Variants in PIK3C2B observed in about 807,000 individuals in gnomAD.
PIK3C2B encodes phosphatidylinositol-4-phosphate 3-kinase catalytic subunit type 2 beta, also known as phosphatidylinositol 4-phosphate 3-kinase C2 domain-containing subunit beta.
Under a neutral mutation model 184.3 loss-of-function variants are expected in PIK3C2B, and 83 were observed. That is an observed-to-expected ratio of 0.45 (90% CI 0.38 to 0.54). PIK3C2B has a LOEUF of 0.54. PIK3C2B is among the 20% of genes least tolerant of loss of function. PIK3C2B has a pLI of 0.00. For synonymous variants in PIK3C2B, 779 were observed against 837.6 expected (o/e 0.93, Z 1.21); for missense variants, 1,736 against 2,113.5 (o/e 0.82, Z 3.50).
At position 204,433,335 on chromosome 1, in the gene PIK3C2B, C is replaced by T; in HGVS notation, c.3934G>A (p.Ala1312Thr). 1 of 1,591,564 alleles carries T rather than the reference C, an allele frequency of 6.3e-7. No homozygotes were observed. Among genetic ancestry groups the T allele is most frequent in the Non-Finnish European group, 8.6e-7 (1 of 1,159,470 alleles). Residue 1312 changes from alanine to threonine, a missense_variant, in exon 26 of 33, where the codon GCC becomes ACC. By Grantham distance (58) the Ala-to-Thr change is moderately conservative. This residue lies in a region of PIK3C2B where 119 missense variants were observed against 179.3 expected (regional missense o/e 0.66). Coordinates refer to ENST00000684373, the MANE Select transcript of PIK3C2B (RefSeq NM_001377334.1). The surrounding 1 kb of genome is among the most constrained non-coding windows in gnomAD (Gnocchi z 5.0). Reference sequence around the variant, plus strand: ...TTTTACCTAGTGAAGTAGGTAGTGGCATTGGCCTCTGTATCCTGAGGCCTC... The same window carrying T: ...TTTTACCTAGTGAAGTAGGTAGTGGTATTGGCCTCTGTATCCTGAGGCCTC... Reference protein sequence around the residue: ...ALRPQDTEANATTYFTRLIES... With the variant: ...ALRPQDTEANTTTYFTRLIES...
intron 14 of PIK3C2B, among the ~76,000 whole-genome samples, chr1:204,448,230 C>T (rs1031982108): frequency 2.0e-5 from 3 of 152,048 alleles, no homozygotes; most frequent in African/African-American, 7.2e-5. Flanking sequence ...TCTCATGCCT[C>T]AGCTTCCTGA....
chr1:204,463,195 C>G (rs1434212277), intron 5 of PIK3C2B, among the ~76,000 whole-genome samples: 2 of 152,216 alleles, frequency 1.3e-5, no homozygotes, highest in East Asian at 3.9e-4. Flanking sequence ...ACTTATAGGG[C>G]ACTCCTAAGA....
Position 204,433,645 on chromosome 1 carries a change from G to T in PIK3C2B, c.3843+148C>A. ...ACATCATTGTCCTCAGGTAGTCTGG[G>T]TCCCTGCCTTTATCTAGGGCAGGCA... On this transcript the variant is annotated intron_variant, in intron 25 of 32. Transcript: ENST00000684373. This position sits in a 1 kb window ranked among gnomAD's most constrained non-coding sequence, Gnocchi z 5.0. 1.2e-6 allele frequency: 1 copy of T among 822,456 alleles called. No homozygotes were observed. The highest frequency in any genetic ancestry group is 2.0e-6 in the Non-Finnish European group (1 of 498,996). The allele number at this position is 822,456 out of a possible 1,614,324, so 50.9% of individuals were successfully genotyped here. A position where few individuals can be genotyped will look rare whatever the true frequency, so the allele number is the denominator to read the frequency against.
intron 1 of PIK3C2B, among the ~76,000 whole-genome samples, chr1:204,476,425 A>G (rs919779646): frequency 2.6e-5 from 4 of 152,172 alleles, no homozygotes; most frequent in South Asian, 4.1e-4. Flanking sequence ...ATGGACCTAT[A>G]GTCCCAGCTA....
intron 28 of PIK3C2B, among the ~76,000 whole-genome samples, chr1:204,430,823 T>G (rs2103468032): frequency 6.6e-6 from 1 of 151,994 alleles, no homozygotes; most frequent in Non-Finnish European, 1.5e-5. Flanking sequence ...CACACTAATT[T>G]TTGTATTTTT....
At chr1:204,448,921 C>A (rs921477216) in intron 14 of PIK3C2B, among the ~76,000 whole-genome samples, 1 of 152,156 alleles carries the variant, frequency 6.6e-6, no homozygotes, top group Non-Finnish European at 1.5e-5. Context: ...AGAAGCTGAG[C>A]CCTGAATGCA....
At chr1:204,474,755 T>C (rs558121450) in intron 1 of PIK3C2B, among the ~76,000 whole-genome samples, 1 of 152,156 alleles carries the variant, frequency 6.6e-6, no homozygotes, top group East Asian at 1.9e-4. Flanking sequence ...ATTCCAAATA[T>C]GTATCTCTCC....
At position 204,440,271 on chromosome 1, in the gene PIK3C2B, G is replaced by C. The variant is rs756769325; in HGVS notation, c.3300C>G (p.Ile1100Met). 17 of 1,610,016 alleles carry C rather than the reference G, an allele frequency of 1.1e-5. No individual in the cohort carries two copies. The highest frequency in any genetic ancestry group is 2.7e-5 in the African/African-American group (2 of 74,552). Residue 1100 changes from isoleucine to methionine, a missense_variant, in exon 22 of 33, where the codon ATC becomes ATG. This residue lies in a region of PIK3C2B where 289 missense variants were observed against 380.4 expected (regional missense o/e 0.76). Transcript: ENST00000684373. Reference sequence around the variant, plus strand: ...CCTCCTGGACCCAGATCTTGCTCATGATGCGAATCATCTGCAGCGTTAGCA... The same window carrying C: ...CCTCCTGGACCCAGATCTTGCTCATCATGCGAATCATCTGCAGCGTTAGCA... ...QDMLTLQMIR[I>M]MSKIWVQEGL...
intron 23 of PIK3C2B, chr1:204,435,908 T>C (rs1374124713): frequency 6.6e-6 from 1 of 152,172 alleles, no homozygotes; most frequent in Non-Finnish European, 1.5e-5. Context: ...ATAAAAGCAC[T>C]TAATAAGGAG....
Position 204,447,631 on chromosome 1 carries a change from C to G in PIK3C2B, c.2347-53G>C. On this transcript the variant is annotated intron_variant, in intron 14 of 32. Transcript: ENST00000684373. This position sits in a 1 kb window ranked among gnomAD's most constrained non-coding sequence, Gnocchi z 4.1. ...AGAGAAAACAGGCAGCGTGTGTGGACTCCCAGCTTCTTTCTCTCACCCCAG... is the reference window on the plus strand; with the variant it reads ...AGAGAAAACAGGCAGCGTGTGTGGAGTCCCAGCTTCTTTCTCTCACCCCAG... The G allele has an allele frequency of 1.5e-6, 2 of 1,330,160 alleles. No homozygotes were observed. Among genetic ancestry groups the G allele is most frequent in the Non-Finnish European group, 2.1e-6 (2 of 941,098 alleles). 82.4% of individuals were successfully genotyped at this position (1,330,160 alleles called of 1,614,324 possible).
chr1:204,444,033 G>A (rs768287945), intron 18 of PIK3C2B, 35 bp downstream of exon 18: 8 of 1,388,404 alleles, frequency 5.8e-6, no homozygotes, highest in Middle Eastern at 1.8e-4. Flanking sequence ...TGAAAGACAC[G>A]TGTCTACCTC....
chr1:204,428,921 A>G (rs773384214), intron 29 of PIK3C2B: 9 of 455,686 alleles, frequency 2.0e-5, no homozygotes, highest in South Asian at 1.2e-4. Context: ...TTAACCCTAA[A>G]AAGTTTAAAA....
rs759336825 is a variant in PIK3C2B at position 204,439,001 on chromosome 1, C to T, written c.3450G>A (p.Ser1150=). Residue 1150 remains serine, a synonymous_variant, in exon 23 of 33, where the codon TCG becomes TCA. Transcript: ENST00000684373. The part of the protein sequence containing the change: ...KIQVEHGVTG[S]FKDRPLADWL... The stretch of plus-strand genomic sequence containing the variant: ...AGTCTGCCAGGGGCCGGTCCTTGAA[C>T]GAGCCGGTCACCCCATGCTCCACCT... 17 of 1,613,996 alleles carry T rather than the reference C, an allele frequency of 1.1e-5. No individual in the cohort carries two copies. The African/African-American group carries it at 1.3e-4, about 13-fold the overall frequency.
chr1:204,434,426 G>C lies in PIK3C2B; in HGVS notation c.3686+13C>G. ...GCCCTTCACTCACAATCTGGCTTCAGGAGATCACTTACCGCTTGATGTTGC... is the reference window on the plus strand; with the variant it reads ...GCCCTTCACTCACAATCTGGCTTCACGAGATCACTTACCGCTTGATGTTGC... On this transcript the variant is annotated intron_variant, in intron 24 of 32. Coordinates refer to ENST00000684373, the MANE Select transcript of PIK3C2B (RefSeq NM_001377334.1). The C allele has an allele frequency of 6.2e-7, 1 of 1,613,448 alleles. No homozygotes were observed. Among genetic ancestry groups the C allele is most frequent in the East Asian group, 2.2e-5 (1 of 44,876 alleles).
rs1410770418 is a variant in PIK3C2B at position 204,446,990 on chromosome 1, CCT to C, written c.2489+444_2489+445del. ...TGAGATCAGCCTGGACTCACGTACC[CCT>C]GAGAGCTGCCAGCTTGCCTTGACAC... On this transcript the variant is annotated intron_variant, in intron 15 of 32. Coordinates refer to ENST00000684373, the MANE Select transcript of PIK3C2B (RefSeq NM_001377334.1). Among the ~76,000 whole-genome samples the C allele has an allele frequency of 4.6e-5, 7 of 152,206 alleles. No homozygotes were observed. In the East Asian group the frequency reaches 9.7e-4, roughly 21 times the overall value.
intron 3 of PIK3C2B, 68 bp from the exon 4 acceptor site, chr1:204,464,672 G>A: frequency 6.8e-7 from 1 of 1,475,748 alleles, no homozygotes; most frequent in Admixed American, 1.9e-5. Context: ...CATCTGTTGG[G>A]AACCTCATGC....
chr1:204,481,175 T>C (rs1657108511), intron 1 of PIK3C2B, among the ~76,000 whole-genome samples: 1 of 139,340 alleles, frequency 7.2e-6, no homozygotes, highest in Non-Finnish European at 1.5e-5. Context: ...CACCCTACTC[T>C]CCCCCGACAC....
Position 204,454,768 on chromosome 1 carries a change from C to A in PIK3C2B, c.1967G>T (p.Cys656Phe). 6.2e-7 allele frequency: 1 copy of A among 1,612,954 alleles called. No individual in the cohort carries two copies. Among genetic ancestry groups the A allele is most frequent in the East Asian group, 2.2e-5 (1 of 44,876 alleles). ...CTCCTTGCCGCCATGGCTGAGGGAGCAGGAGAGGTAGAAATCTTCATAGCT... is the reference window on the plus strand; with the variant it reads ...CTCCTTGCCGCCATGGCTGAGGGAGAAGGAGAGGTAGAAATCTTCATAGCT... The part of the protein sequence containing the change: ...ATSYEDFYLS[C>F]SLSHGGKELC... The change falls in exon 12 of 33, where the codon TGC (cysteine) becomes TTC (phenylalanine). Residue 656 changes from cysteine (C) to phenylalanine (F), a missense_variant. Transcript: ENST00000684373.
intron 31 of PIK3C2B, among the ~76,000 whole-genome samples, chr1:204,426,686 C>G (rs1258365035): frequency 2.6e-5 from 4 of 152,174 alleles, no homozygotes; most frequent in Non-Finnish European, 2.9e-5. Context: ...TTGTTTTCCC[C>G]CATACCCAGA....
Sources: gnomAD v4.1 joint callset for allele counts (sites outside exome capture counted in the v4.1 genomes callset) on GRCh38, gnomAD v4.1.1 for gene constraint, gnomAD v4.1.1 regional missense constraint, Gnocchi (gnomAD v3.1) non-coding constraint, MANE v1.5 for transcripts, NCBI Gene and HGNC (gene_info 2026-07-23, HGNC 2026-07-21) for gene names.